SLC25A21: variants seen among roughly 807,000 people sequenced by gnomAD.
SLC25A21 encodes the protein solute carrier family 25 member 21.
Under a neutral mutation model 43.8 loss-of-function variants are expected in SLC25A21, and 47 were observed. That is an observed-to-expected ratio of 1.07 (90% confidence interval 0.85 to 1.37). The LOEUF (loss-of-function observed/expected upper bound fraction) is 1.37. Among genes scored for constraint, SLC25A21 ranks in the 40% most tolerant of loss-of-function variants. The pLI is 0.00. For missense variants in SLC25A21, 352 were observed against 350.2 expected (o/e 1.00, Z -0.04); for synonymous variants, 131 against 121.3 (o/e 1.08, Z -0.52).
intron 1 of SLC25A21, among the ~76,000 whole-genome samples, chr14:37,099,460 T>C (rs1051973467): frequency 3.9e-5 from 6 of 152,168 alleles, no homozygotes; most frequent in Non-Finnish European, 8.8e-5. Flanking sequence ...ATCATCCTCC[T>C]GGGTCTTTTT....
intron 1 of SLC25A21, among the ~76,000 whole-genome samples, chr14:36,991,590 A>G (rs907687625): frequency 1.4e-4 from 22 of 152,300 alleles, no homozygotes; most frequent in African/African-American, 4.6e-4. Flanking sequence ...GAAGGGAGGT[A>G]ATATTATTAT....
chr14:37,050,224 A>C (rs1961675192), intron 1 of SLC25A21, among the ~76,000 whole-genome samples: 1 of 152,250 alleles, frequency 6.6e-6, no homozygotes, highest in African/African-American at 2.4e-5. Flanking sequence ...TTCAAAATTA[A>C]TATCCATAAA....
chr14:36,758,628 A>ATAAACC (rs1886026030), intron 3 of SLC25A21, among the ~76,000 whole-genome samples: 1 of 150,986 alleles, frequency 6.6e-6, no homozygotes, highest in African/African-American at 2.4e-5. Flanking sequence ...GGTTTGTACC[A>ATAAACC]TAAAATTCAT....
chr14:36,748,457 T>C (rs923538929), intron 3 of SLC25A21, among the ~76,000 whole-genome samples: 2 of 152,246 alleles, frequency 1.3e-5, no homozygotes, highest in Non-Finnish European at 2.9e-5. Flanking sequence ...TTTCTGGATT[T>C]ACTGAGTCAA....
chr14:36,986,776 T>C (rs1960156767), intron 1 of SLC25A21, among the ~76,000 whole-genome samples: 2 of 152,184 alleles, frequency 1.3e-5, no homozygotes, highest in Admixed American at 6.5e-5. Context: ...TTTGTTTCTT[T>C]ATTTCTTTGT....
intron 1 of SLC25A21, among the ~76,000 whole-genome samples, chr14:37,114,926 A>G (rs1026737095): frequency 2.0e-5 from 3 of 152,172 alleles, no homozygotes; most frequent in Admixed American, 6.5e-5. Flanking sequence ...TGTCATCTGA[A>G]TCCTCTTATG....
intron 1 of SLC25A21, among the ~76,000 whole-genome samples, chr14:37,039,650 T>G (rs1483334266): frequency 6.6e-6 from 1 of 152,198 alleles, no homozygotes; most frequent in South Asian, 2.1e-4. Context: ...CAAGAGGCAT[T>G]TATTGAGCCT....
At chr14:37,034,400 TG>T (rs552058207) in intron 1 of SLC25A21, among the ~76,000 whole-genome samples, 210 of 152,302 alleles carry the variant, frequency 1.4e-3, no homozygotes, top group African/African-American at 5.0e-3. Flanking sequence ...TGATCGTATA[TG>T]GGATAAAGTC....
Position 37,170,705 on chromosome 14 carries a change from T to C in SLC25A21, c.70+1576A>G, listed in dbSNP as rs74662497. Among the ~76,000 whole-genome samples, 12 of 151,918 alleles carry C rather than the reference T, an allele frequency of 7.9e-5. No homozygotes were observed. In the East Asian group the frequency reaches 2.2e-3, roughly 27 times the overall value. On this transcript the variant is annotated intron_variant, in intron 1 of 9. Transcript: ENST00000331299. ...ACTTTGGGAGGTCAAGGGGGTCAGATTGCTTGAACCCAGGCGTTGGAGACC... is the reference window on the plus strand; with the variant it reads ...ACTTTGGGAGGTCAAGGGGGTCAGACTGCTTGAACCCAGGCGTTGGAGACC...
At chr14:36,731,416 A>G (rs959597945) in intron 4 of SLC25A21, among the ~76,000 whole-genome samples, 6 of 152,326 alleles carry the variant, frequency 3.9e-5, no homozygotes, top group African/African-American at 1.4e-4. Context: ...TAACCTTTCT[A>G]ACTCTCAGGA....
At chr14:36,924,578 T>G (rs1051639354) in intron 1 of SLC25A21, among the ~76,000 whole-genome samples, 5 of 151,882 alleles carry the variant, frequency 3.3e-5, no homozygotes, top group African/African-American at 1.2e-4. Flanking sequence ...CTAATGGAAA[T>G]GATGAGTTAA....
At chr14:36,966,780 T>C (rs981306172) in intron 1 of SLC25A21, among the ~76,000 whole-genome samples, 1 of 152,216 alleles carries the variant, frequency 6.6e-6, no homozygotes, top group African/African-American at 2.4e-5. Flanking sequence ...CAAATGTTTC[T>C]ACATGGAGCC....
intron 5 of SLC25A21, among the ~76,000 whole-genome samples, chr14:36,726,452 A>G (rs75435815): frequency 6.8e-6 from 1 of 146,260 alleles, no homozygotes; most frequent in African/African-American, 2.5e-5. Context: ...AAAAAAAAAA[A>G]GAAGAAGAAG....
At chr14:36,974,971 T>A (rs997113005) in intron 1 of SLC25A21, among the ~76,000 whole-genome samples, 1 of 152,160 alleles carries the variant, frequency 6.6e-6, no homozygotes, top group East Asian at 1.9e-4. Flanking sequence ...ATGGCAATGA[T>A]GATGGTGATG....
intron 1 of SLC25A21, among the ~76,000 whole-genome samples, chr14:36,957,445 T>C (rs1479349266): frequency 6.6e-6 from 1 of 152,180 alleles, no homozygotes; most frequent in East Asian, 1.9e-4. Flanking sequence ...GAAATTCAGC[T>C]CTCTGGATCT....
At chr14:36,765,290 G>A (rs1188939166) in intron 3 of SLC25A21, among the ~76,000 whole-genome samples, 2 of 152,198 alleles carry the variant, frequency 1.3e-5, no homozygotes, top group African/African-American at 2.4e-5. Flanking sequence ...GACCAGAAAC[G>A]CAAGTAAAGA....
chr14:37,116,884 T>C (rs1963116581), intron 1 of SLC25A21, among the ~76,000 whole-genome samples: 1 of 152,162 alleles, frequency 6.6e-6, no homozygotes, highest in South Asian at 2.1e-4. Context: ...TGAGTTAAAA[T>C]ATTTCTTTTT....
intron 1 of SLC25A21, among the ~76,000 whole-genome samples, chr14:37,149,903 G>A (rs1171695959): frequency 6.6e-6 from 1 of 151,962 alleles, no homozygotes; most frequent in Non-Finnish European, 1.5e-5. Flanking sequence ...GCCATCTTGT[G>A]GTTAAAGTTT....
intron 3 of SLC25A21, among the ~76,000 whole-genome samples, chr14:36,771,183 T>A (rs1050268572): frequency 6.6e-6 from 1 of 152,238 alleles, no homozygotes; most frequent in African/African-American, 2.4e-5. Flanking sequence ...AAATCTTTAA[T>A]ATGCTTTTAA....
Sources: allele counts gnomAD v4.1 joint callset (sites outside exome capture counted in the v4.1 genomes callset), GRCh38; gene constraint gnomAD v4.1.1; transcripts MANE v1.5; gene names NCBI Gene and HGNC (gene_info 2026-07-23, HGNC 2026-07-21).